The following GREB1L variants were observed in gnomAD, a reference collection of about 807,000 sequenced individuals.
GREB1L encodes GREB1-like protein.
A neutral mutation model predicts 200.8 loss-of-function variants in GREB1L; 17 were observed. The ratio of observed to expected loss-of-function variants is 0.08; its 90% CI spans 0.06 to 0.13. The LOEUF (loss-of-function observed/expected upper bound fraction) is 0.13, where lower values mean the gene tolerates loss of function less well. Among genes scored for constraint, GREB1L ranks in the 10% least tolerant of loss-of-function variants. The pLI is 1.00. For missense variants in GREB1L, 1,657 were observed against 2,367.7 expected, an observed-to-expected ratio of 0.70 and a Z score of 6.23; for synonymous variants, 789 against 893.0, an observed-to-expected ratio of 0.88 and a Z score of 2.08.
rs145689652 is a variant in GREB1L, at chr18:21,457,274, G to GA, written c.2182+2722dup. Among the ~76,000 whole-genome samples, 84 of 145,496 alleles carry GA rather than the reference G, an allele frequency of 5.8e-4. 1 individual carries two copies. Among genetic ancestry groups the GA allele is most frequent in the Middle Eastern group, 3.5e-3 (1 of 284 alleles). ...ACCAATTATGTAAGCTTAGAATCCA[G>GA]AAAAAAAAAAATCATTGTAATAGAC... On this transcript the variant is annotated intron_variant, in intron 15 of 32. Transcript: ENST00000424526.
intron 1 of GREB1L, among the ~76,000 whole-genome samples, chr18:21,274,120 A>C (rs553209627): frequency 6.6e-6 from 1 of 152,190 alleles, no homozygotes; most frequent in Non-Finnish European, 1.5e-5. Context: ...AGGCACCAAC[A>C]GATTTGGTAT....
intron 1 of GREB1L, among the ~76,000 whole-genome samples, chr18:21,276,046 C>T (rs1347427830): frequency 6.6e-6 from 1 of 152,136 alleles, no homozygotes; most frequent in Non-Finnish European, 1.5e-5. Flanking sequence ...GAGAATGGAC[C>T]AGTTGGGCTC....
intron 6 of GREB1L, 33 bp from the exon 7 acceptor site, chr18:21,403,839 A>G: frequency 6.5e-7 from 1 of 1,536,672 alleles, no homozygotes; most frequent in Admixed American, 2.0e-5. Context: ...AACATTGGTC[A>G]CTTCATACAA....
At chr18:21,269,995 T>C (rs541268387) in intron 1 of GREB1L, among the ~76,000 whole-genome samples, 1 of 152,366 alleles carries the variant, frequency 6.6e-6, no homozygotes, top group South Asian at 2.1e-4. Context: ...GGTTGCATTC[T>C]ACACCTGTTT....
intron 1 of GREB1L, among the ~76,000 whole-genome samples, chr18:21,328,662 G>T (rs2039061330): frequency 6.6e-6 from 1 of 151,728 alleles, no homozygotes; most frequent in African/African-American, 2.4e-5. Context: ...ATACGTGCAT[G>T]TGTGTGTGTG....
chr18:21,515,309 A>G, intron 28 of GREB1L, 108 bp from the exon 29 acceptor site: 4 of 766,206 alleles, frequency 5.2e-6, no homozygotes, highest in Admixed American at 2.7e-5. Context: ...AAATCAGTTA[A>G]TTTTATCCTT....
intron 14 of GREB1L, among the ~76,000 whole-genome samples, chr18:21,452,824 A>G (rs79619303): frequency 1.4e-3 from 217 of 152,320 alleles, no homozygotes; most frequent in African/African-American, 4.8e-3. Context: ...CAGGACAGAA[A>G]AAAGAACAGG....
At chr18:21,325,864 G>T (rs1409108735) in intron 1 of GREB1L, among the ~76,000 whole-genome samples, 2 of 150,478 alleles carry the variant, frequency 1.3e-5, no homozygotes, top group Non-Finnish European at 1.5e-5. Context: ...CAGACTACGG[G>T]GTTCACATGC....
intron 1 of GREB1L, among the ~76,000 whole-genome samples, chr18:21,294,102 G>A (rs1215375712): frequency 1.3e-5 from 2 of 152,170 alleles, no homozygotes; most frequent in Admixed American, 6.5e-5. Context: ...CAATGGAAAT[G>A]TCCTATTCTG....
intron 1 of GREB1L, among the ~76,000 whole-genome samples, chr18:21,344,229 G>A (rs1316221997): frequency 1.3e-5 from 2 of 152,206 alleles, no homozygotes; most frequent in Admixed American, 6.5e-5. Flanking sequence ...GTGAAACCCC[G>A]TCTCTATGAA....
chr18:21,392,337 G>A (rs1263716347), intron 4 of GREB1L, among the ~76,000 whole-genome samples: 1 of 139,902 alleles, frequency 7.1e-6, no homozygotes, highest in African/African-American at 3.1e-5. Context: ...TAATAGAGGT[G>A]GGTGGACACA....
chr18:21,394,475 T>C (rs2040959104), intron 4 of GREB1L, among the ~76,000 whole-genome samples: 1 of 152,234 alleles, frequency 6.6e-6, no homozygotes, highest in Non-Finnish European at 1.5e-5. Context: ...TATCTCCTGG[T>C]CTTGGACAGC....
intron 15 of GREB1L, among the ~76,000 whole-genome samples, chr18:21,467,752 C>T (rs2035312897): frequency 6.6e-6 from 1 of 152,106 alleles, no homozygotes; most frequent in African/African-American, 2.4e-5. Context: ...GAGCCGGGCG[C>T]AGTGGCTCAC....
At chr18:21,507,808 A>G (rs1315691943) in intron 25 of GREB1L, among the ~76,000 whole-genome samples, 2 of 152,232 alleles carry the variant, frequency 1.3e-5, no homozygotes, top group African/African-American at 4.8e-5. Flanking sequence ...TCCCACAGAT[A>G]TATCTGACCT....
At chr18:21,343,509 T>C (rs2039297625) in intron 1 of GREB1L, among the ~76,000 whole-genome samples, 1 of 152,142 alleles carries the variant, frequency 6.6e-6, no homozygotes, top group African/African-American at 2.4e-5. Flanking sequence ...CTTTGGATTA[T>C]ACAACAAGAG....
chr18:21,307,481 A>G (rs1159168863), intron 1 of GREB1L, among the ~76,000 whole-genome samples: 1 of 152,226 alleles, frequency 6.6e-6, no homozygotes, highest in East Asian at 1.9e-4. Context: ...TTTAATCAGC[A>G]ATACAGAATA....
chr18:21,390,433 G>A (rs1228576483), intron 4 of GREB1L, among the ~76,000 whole-genome samples: 2 of 152,180 alleles, frequency 1.3e-5, no homozygotes, highest in Non-Finnish European at 2.9e-5. Flanking sequence ...AAGATATGGA[G>A]GTGGAAGAGT....
intron 1 of GREB1L, among the ~76,000 whole-genome samples, chr18:21,256,127 G>T (rs901997833): frequency 5.3e-5 from 8 of 152,146 alleles, no homozygotes; most frequent in African/African-American, 1.2e-4. Context: ...CTATTTTAAA[G>T]TGCCCTGATC....
chr18:21,423,467 GTGTTT>G (rs1476207014), intron 7 of GREB1L, among the ~76,000 whole-genome samples: 1 of 152,166 alleles, frequency 6.6e-6, no homozygotes, highest in African/African-American at 2.4e-5. Context: ...CAACATAAGA[GTGTTT>G]TTTGTACATA....
Sources: gnomAD v4.1 joint callset for allele counts (sites outside exome capture counted in the v4.1 genomes callset) on GRCh38, gnomAD v4.1.1 for gene constraint, MANE v1.5 for transcripts, NCBI Gene and HGNC (gene_info 2026-07-23, HGNC 2026-07-21) for gene names.